Variants in SLC2A13 observed in about 807,000 individuals in gnomAD.
The protein encoded by SLC2A13 is solute carrier family 2 member 13, also known as proton myo-inositol cotransporter.
SLC2A13 carries 32 observed loss-of-function variants against 64.4 expected under a neutral mutation model. The observed-to-expected ratio is 0.50, with a 90% CI of 0.37 to 0.67. The LOEUF (loss-of-function observed/expected upper bound fraction) is 0.67, where lower values mean the gene tolerates loss of function less well. SLC2A13 is among the 30% of genes least tolerant of loss of function. SLC2A13 has a pLI of 0.00. For synonymous variants in SLC2A13, 338 were observed against 327.1 expected (o/e 1.03, Z -0.36); for missense variants, 743 against 829.2 (o/e 0.90, Z 1.28).
At position 40,028,480 on chromosome 12, in the gene SLC2A13, G is replaced by C. The variant is rs200980396; in HGVS notation, c.746C>G (p.Ala249Gly). 1.7e-4 allele frequency: 278 copies of C among 1,613,706 alleles called. No individual in the cohort carries two copies. The highest frequency in any genetic ancestry group is 2.3e-4 in the Non-Finnish European group (267 of 1,179,908). ...GAGAAAGCCAAAAAACTGTATAACC[G>C]CCGGAACTGCTGCAAGTCCCAACAT... ...RYMLGLAAVP[A>G]VIQFFGFLFL... is the part of the protein sequence containing the mutation. The change falls in exon 3 of 10, where the codon GCG (alanine) becomes GGG (glycine). Residue 249 changes from alanine to glycine, a missense_variant. By Grantham distance (60) the Ala-to-Gly change is moderately conservative (BLOSUM62 0). Transcript: ENST00000280871.
At chr12:40,002,466 T>C (rs754560880) in intron 3 of SLC2A13, among the ~76,000 whole-genome samples, 1 of 152,214 alleles carries the variant, frequency 6.6e-6, no homozygotes, top group Non-Finnish European at 1.5e-5. Flanking sequence ...GACTGAAAGA[T>C]GGGCTCAGAA....
chr12:39,992,737 C>T (rs945157116), intron 3 of SLC2A13, among the ~76,000 whole-genome samples: 1 of 151,786 alleles, frequency 6.6e-6, no homozygotes, highest in Non-Finnish European at 1.5e-5. Context: ...TTATAGTTTA[C>T]ATTTGGGACC....
chr12:40,077,797 T>G (rs896476414), intron 1 of SLC2A13, among the ~76,000 whole-genome samples: 1 of 151,682 alleles, frequency 6.6e-6, no homozygotes, highest in East Asian at 1.9e-4. Context: ...GGAATGTTTT[T>G]CCATTTGTTT....
chr12:39,819,464 A>T (rs1942429171), intron 7 of SLC2A13, among the ~76,000 whole-genome samples: 1 of 152,112 alleles, frequency 6.6e-6, no homozygotes, highest in East Asian at 1.9e-4. Context: ...ACAAACTTTT[A>T]TTTATCAAGC....
At chr12:39,980,149 G>T (rs1461151161) in intron 3 of SLC2A13, among the ~76,000 whole-genome samples, 4 of 151,372 alleles carry the variant, frequency 2.6e-5, no homozygotes, top group Middle Eastern at 3.4e-3. Flanking sequence ...CACCAGGCCT[G>T]CCCTAAAAGA....
chr12:39,871,353 T>A (rs764778126), intron 5 of SLC2A13, among the ~76,000 whole-genome samples: 10 of 150,432 alleles, frequency 6.6e-5, no homozygotes, highest in Non-Finnish European at 1.5e-4. Context: ...AATTACATGG[T>A]TCTAATATTC....
At chr12:39,976,784 T>C (rs547066212) in intron 3 of SLC2A13, among the ~76,000 whole-genome samples, 1 of 152,252 alleles carries the variant, frequency 6.6e-6, no homozygotes, top group Admixed American at 6.5e-5. Flanking sequence ...TATAAGATGT[T>C]TTCATTGTAT....
At position 40,096,847 on chromosome 12, in the gene SLC2A13, A is replaced by T. The variant is rs140843601; in HGVS notation, c.556+8406T>A. On this transcript the variant is annotated intron_variant, in intron 1 of 9. Coordinates refer to ENST00000280871, the MANE Select transcript of SLC2A13 (RefSeq NM_052885.4). ...ACAATCATTTTGTGAAATTCTAGAA[A>T]GTATCATCTTGGGATTTTCATTGCT... Among the ~76,000 whole-genome samples, 765 of 152,294 alleles carry T rather than the reference A, an allele frequency of 5.0e-3. 3 individuals are homozygous for T. The highest frequency in any genetic ancestry group is 0.02 in the Middle Eastern group (6 of 294).
chr12:39,894,250 T>C (rs1457735142), intron 4 of SLC2A13, among the ~76,000 whole-genome samples: 2 of 152,246 alleles, frequency 1.3e-5, no homozygotes, highest in African/African-American at 2.4e-5. Context: ...ATCTTAGCTT[T>C]TGAGTTAAAG....
chr12:39,869,813 CA>C (rs1943997512), intron 5 of SLC2A13, among the ~76,000 whole-genome samples: 1 of 152,168 alleles, frequency 6.6e-6, no homozygotes, highest in South Asian at 2.1e-4. Flanking sequence ...GTTCAAGCAA[CA>C]AAGGCTCACT....
At chr12:39,893,063 G>T (rs1030971527) in intron 4 of SLC2A13, among the ~76,000 whole-genome samples, 1 of 152,068 alleles carries the variant, frequency 6.6e-6, no homozygotes, top group Non-Finnish European at 1.5e-5. Flanking sequence ...AGGAAACCAT[G>T]ATAATTTAGT....
At chr12:40,071,186 C>A (rs958939794) in intron 1 of SLC2A13, among the ~76,000 whole-genome samples, 18 of 152,158 alleles carry the variant, frequency 1.2e-4, no homozygotes, top group African/African-American at 4.3e-4. Context: ...CGTGTCTATT[C>A]TTTCACCACA....
intron 2 of SLC2A13, among the ~76,000 whole-genome samples, chr12:40,036,731 T>C (rs1439652317): frequency 2.0e-5 from 3 of 152,240 alleles, no homozygotes; most frequent in Non-Finnish European, 4.4e-5. Flanking sequence ...ACTTTGTTCT[T>C]TGAGATAGTT....
At chr12:39,962,056 G>T (rs766253174) in intron 3 of SLC2A13, among the ~76,000 whole-genome samples, 1 of 152,148 alleles carries the variant, frequency 6.6e-6, no homozygotes, top group Non-Finnish European at 1.5e-5. Context: ...GGAGATGAGC[G>T]TTACACAGTA....
intron 5 of SLC2A13, among the ~76,000 whole-genome samples, chr12:39,867,096 T>C (rs1424255980): frequency 6.6e-6 from 1 of 152,202 alleles, no homozygotes; most frequent in East Asian, 1.9e-4. Flanking sequence ...GTTATGAAGA[T>C]CATACCTCTC....
At chr12:39,796,701 T>A (rs975025366) in intron 7 of SLC2A13, among the ~76,000 whole-genome samples, 5 of 152,152 alleles carry the variant, frequency 3.3e-5, no homozygotes, top group African/African-American at 9.7e-5. Context: ...ATAATATGAT[T>A]GAAATCAACT....
chr12:40,067,709 A>G (rs774084937), intron 1 of SLC2A13, among the ~76,000 whole-genome samples: 1 of 152,168 alleles, frequency 6.6e-6, no homozygotes, highest in Non-Finnish European at 1.5e-5. Flanking sequence ...TGCAGAAATT[A>G]CTAATTTATT....
chr12:39,932,447 A>G (rs534864980), intron 4 of SLC2A13, among the ~76,000 whole-genome samples: 1 of 152,318 alleles, frequency 6.6e-6, no homozygotes, highest in East Asian at 1.9e-4. Flanking sequence ...ATCTGGTTAC[A>G]AAAAAGGGAA....
chr12:40,097,991 G>A (rs1053573837), intron 1 of SLC2A13, among the ~76,000 whole-genome samples: 3 of 151,686 alleles, frequency 2.0e-5, no homozygotes, highest in African/African-American at 2.4e-5. Flanking sequence ...ATCAACAGAC[G>A]AATGGATAGA....
Sources: allele counts gnomAD v4.1 joint callset (sites outside exome capture counted in the v4.1 genomes callset), GRCh38; gene constraint gnomAD v4.1.1; transcripts MANE v1.5; gene names NCBI Gene and HGNC (gene_info 2026-07-23, HGNC 2026-07-21).